The following PDE11A variants were observed in gnomAD, a reference collection of about 807,000 sequenced individuals.
PDE11A encodes the protein dual 3',5'-cyclic-AMP and -GMP phosphodiesterase 11A.
Under a neutral mutation model 100.5 loss-of-function variants are expected in PDE11A, and 100 were observed. The observed-to-expected ratio is 1.00, with a 90% CI of 0.85 to 1.18. The LOEUF (loss-of-function observed/expected upper bound fraction) is 1.18, where lower values mean the gene tolerates loss of function less well. Among genes scored for constraint, PDE11A ranks in the 50% most tolerant of loss-of-function variants. PDE11A has a pLI of 0.00. For missense variants in PDE11A, 1,141 were observed against 1,152.6 expected, an observed-to-expected ratio of 0.99 and a Z score of 0.15; for synonymous variants, 381 against 420.8, an observed-to-expected ratio of 0.91 and a Z score of 1.16.
intron 9 of PDE11A, among the ~76,000 whole-genome samples, chr2:177,784,575 C>A (rs146014427): frequency 1.3e-5 from 2 of 152,154 alleles, no homozygotes; most frequent in Non-Finnish European, 2.9e-5. Context: ...GGGTAGCCAC[C>A]CTTTTATTCC....
chr2:177,984,841 C>T lies in PDE11A; in HGVS notation c.1071+29461G>A, dbSNP rs184886016. On this transcript the variant is annotated intron_variant, in intron 2 of 19. Coordinates refer to ENST00000286063, the MANE Select transcript of PDE11A (RefSeq NM_016953.4). The stretch of plus-strand genomic sequence containing the variant: ...TAAGTTTTGAATTCAAGAATACCTT[C>T]TACCAAAGCTCCCAGCTCGCCTTGT... Among the ~76,000 whole-genome samples, 210 of 152,344 alleles carry T rather than the reference C, an allele frequency of 1.4e-3. 2 individuals carry two copies. Among genetic ancestry groups the T allele is most frequent in the African/African-American group, 5.0e-3 (206 of 41,584 alleles).
chr2:177,705,364 G>C (rs1333162213), intron 13 of PDE11A, among the ~76,000 whole-genome samples: 1 of 152,126 alleles, frequency 6.6e-6, no homozygotes, highest in African/African-American at 2.4e-5. Flanking sequence ...GTGAAAATAT[G>C]ATTATATATA....
intron 9 of PDE11A, among the ~76,000 whole-genome samples, chr2:177,772,384 G>A (rs1288821686): frequency 6.6e-6 from 1 of 152,074 alleles, no homozygotes; most frequent in African/African-American, 2.4e-5. Context: ...TATAGGTATT[G>A]TATTAATATT....
In PDE11A at chr2:177,814,028, A is replaced by G. The variant is rs528121130; in HGVS notation, c.1737+2801T>C. ...TAGCCACAGTGGAAAAGGGGAAAGC[A>G]CTAGCCCAGGATCTCAGAAAGAAGG... On this transcript the variant is annotated intron_variant, in intron 9 of 19. Transcript: ENST00000286063. Among the ~76,000 whole-genome samples the G allele has an allele frequency of 3.5e-4, 54 of 152,226 alleles. 1 individual carries two copies. In the South Asian group the frequency reaches 0.011, roughly 30 times the overall value.
chr2:177,758,258 T>C (rs57242051), intron 10 of PDE11A, among the ~76,000 whole-genome samples: 10,145 of 143,738 alleles, frequency 0.071, 397 homozygotes, highest in Middle Eastern at 0.19. Context: ...GATGGCGCCA[T>C]TGCACTCCAG....
At chr2:177,897,686 C>T (rs1016687963) in intron 4 of PDE11A, among the ~76,000 whole-genome samples, 2 of 152,246 alleles carry the variant, frequency 1.3e-5, no homozygotes, top group African/African-American at 4.8e-5. Flanking sequence ...ATCCACCCCC[C>T]GAAATGCTGA....
At chr2:177,783,869 T>C (rs894839172) in intron 9 of PDE11A, among the ~76,000 whole-genome samples, 1 of 152,156 alleles carries the variant, frequency 6.6e-6, no homozygotes, top group Non-Finnish European at 1.5e-5. Context: ...ATTTAAAAAA[T>C]TATTTGTTAT....
intron 19 of PDE11A, among the ~76,000 whole-genome samples, chr2:177,630,027 G>T (rs1385225941): frequency 6.6e-6 from 1 of 152,228 alleles, no homozygotes; most frequent in Admixed American, 6.5e-5. Flanking sequence ...AATAGGAAAG[G>T]TCAGGTAAAA....
At chr2:177,651,209 C>G (rs995563349) in intron 19 of PDE11A, among the ~76,000 whole-genome samples, 11 of 152,130 alleles carry the variant, frequency 7.2e-5, no homozygotes, top group African/African-American at 2.7e-4. Context: ...CTTTGTGAGA[C>G]AGGAAGCTTG....
At chr2:177,765,540 T>TCACACAGGTAGGAAGGGGCCCTGC (rs2082227036) in intron 10 of PDE11A, among the ~76,000 whole-genome samples, 2 of 152,204 alleles carry the variant, frequency 1.3e-5, no homozygotes, top group Non-Finnish European at 2.9e-5. Flanking sequence ...CTTCTGCTGG[T>TCACACAGGTAGGAAGGGGCCCTGC]CACACAGGTA....
intron 2 of PDE11A, among the ~76,000 whole-genome samples, chr2:178,090,379 G>T (rs2087408276): frequency 6.6e-6 from 1 of 151,850 alleles, no homozygotes; most frequent in South Asian, 2.1e-4. Flanking sequence ...TACTTATTTT[G>T]CTCTAAGGTA....
At chr2:177,823,524 T>C (rs1428431805) in intron 6 of PDE11A, among the ~76,000 whole-genome samples, 3 of 152,274 alleles carry the variant, frequency 2.0e-5, no homozygotes, top group South Asian at 2.1e-4. Flanking sequence ...CCCCATGAAG[T>C]AGGTACTGTT....
chr2:177,851,420 G>A (rs951705986), intron 5 of PDE11A, among the ~76,000 whole-genome samples: 20 of 152,016 alleles, frequency 1.3e-4, no homozygotes, highest in Non-Finnish European at 2.1e-4. Flanking sequence ...AGCATTAGGA[G>A]ATATACCTAA....
At chr2:177,997,425 AT>A (rs1462812652) in intron 2 of PDE11A, 1 of 828,630 alleles carries the variant, frequency 1.2e-6, no homozygotes, top group East Asian at 2.4e-5. Flanking sequence ...TCAACCTTTT[AT>A]ACAGGTTTCC....
chr2:177,676,617 G>A (rs62182971), intron 16 of PDE11A, among the ~76,000 whole-genome samples: 2,476 of 152,264 alleles, frequency 0.016, 31 homozygotes, highest in Non-Finnish European at 0.027. Context: ...AGGTGGCACC[G>A]GCATCAGCAG....
intron 6 of PDE11A, among the ~76,000 whole-genome samples, chr2:177,839,607 C>G (rs541684212): frequency 9.2e-5 from 14 of 152,192 alleles, no homozygotes; most frequent in African/African-American, 2.7e-4. Context: ...CTCAGCTTTG[C>G]CTGGAACACA....
chr2:178,020,606 A>C (rs2086395320), intron 1 of PDE11A, among the ~76,000 whole-genome samples: 1 of 152,326 alleles, frequency 6.6e-6, no homozygotes, highest in Admixed American at 6.5e-5. Context: ...AGCCTGGTCA[A>C]CATGGTGAAA....
chr2:177,654,031 A>C (rs2080346171), intron 19 of PDE11A, among the ~76,000 whole-genome samples: 1 of 152,188 alleles, frequency 6.6e-6, no homozygotes, highest in Admixed American at 6.5e-5. Flanking sequence ...TGTTTCCTTC[A>C]GAGTGTATAT....
intron 5 of PDE11A, among the ~76,000 whole-genome samples, chr2:177,870,460 G>A (rs146784722): frequency 6.6e-6 from 1 of 152,266 alleles, no homozygotes; most frequent in East Asian, 1.9e-4. Flanking sequence ...ACATGCACAG[G>A]CAATAGCTGT....
Sources: gnomAD v4.1 joint callset for allele counts (sites outside exome capture counted in the v4.1 genomes callset) on GRCh38, gnomAD v4.1.1 for gene constraint, MANE v1.5 for transcripts, NCBI Gene and HGNC (gene_info 2026-07-23, HGNC 2026-07-21) for gene names.